The following CCDC148 variants were observed in gnomAD, a reference collection of about 807,000 sequenced individuals.
The protein encoded by CCDC148 is coiled-coil domain containing 148.
Under a neutral mutation model 85.7 loss-of-function variants are expected in CCDC148, and 89 were observed. The ratio of observed to expected loss-of-function variants is 1.04; its 90% CI spans 0.87 to 1.24. CCDC148 has a LOEUF of 1.24. Among genes scored for constraint, CCDC148 ranks in the 50% most tolerant of loss-of-function variants. The probability of loss-of-function intolerance (pLI) is 0.00; values close to 1 mark genes in which losing one functional copy is unlikely to be tolerated. For missense variants in CCDC148, 692 were observed against 671.7 expected (o/e 1.03, Z -0.33); for synonymous variants, 230 against 213.9 (o/e 1.08, Z -0.66).
chr2:158,319,637 T>C (rs1692435098), intron 7 of CCDC148, among the ~76,000 whole-genome samples: 1 of 152,246 alleles, frequency 6.6e-6, no homozygotes, highest in African/African-American at 2.4e-5. Context: ...ATTATGTAAG[T>C]TACTTTGAGT....
At chr2:158,422,590 T>A (rs1215545948) in intron 1 of CCDC148, among the ~76,000 whole-genome samples, 3 of 152,048 alleles carry the variant, frequency 2.0e-5, no homozygotes, top group African/African-American at 7.2e-5. Context: ...ATCTCAAAAT[T>A]ACAAGAGATA....
intron 9 of CCDC148, among the ~76,000 whole-genome samples, chr2:158,298,974 T>C (rs1169313140): frequency 6.6e-6 from 1 of 152,184 alleles, no homozygotes; most frequent in Non-Finnish European, 1.5e-5. Context: ...TTATGTTATA[T>C]TTCTCTAAAC....
chr2:158,341,701 T>C (rs1682704055), intron 3 of CCDC148, among the ~76,000 whole-genome samples: 1 of 152,146 alleles, frequency 6.6e-6, no homozygotes, highest in African/African-American at 2.4e-5. Flanking sequence ...AGCCTACCCC[T>C]TGCTTATGGC....
At chr2:158,338,171 C>G (rs1414217482) in intron 7 of CCDC148, among the ~76,000 whole-genome samples, 2 of 152,104 alleles carry the variant, frequency 1.3e-5, no homozygotes, top group African/African-American at 2.4e-5. Flanking sequence ...GAGAAGATGA[C>G]CGCTGCCAAA....
chr2:158,227,744 G>A (rs1003150100), intron 10 of CCDC148, among the ~76,000 whole-genome samples: 3 of 152,136 alleles, frequency 2.0e-5, no homozygotes, highest in African/African-American at 7.2e-5. Context: ...TGGGAAAACT[G>A]GCTAGCCATA....
intron 1 of CCDC148, among the ~76,000 whole-genome samples, chr2:158,449,573 C>T (rs546496755): frequency 4.1e-4 from 62 of 152,112 alleles, no homozygotes; most frequent in African/African-American, 1.4e-3. Flanking sequence ...CTCAGCCTTT[C>T]GAGTAGCTGG....
intron 3 of CCDC148, among the ~76,000 whole-genome samples, chr2:158,340,950 G>T (rs537264168): frequency 2.0e-5 from 3 of 150,064 alleles, no homozygotes; most frequent in African/African-American, 5.1e-5. Context: ...AGCACTGAAG[G>T]TCAGTAGGCT....
At chr2:158,233,240 G>C (rs1362672801) in intron 10 of CCDC148, among the ~76,000 whole-genome samples, 1 of 151,994 alleles carries the variant, frequency 6.6e-6, no homozygotes, top group African/African-American at 2.4e-5. Context: ...ACATAGCATT[G>C]TTATATGTAA....
At chr2:158,404,493 A>G (rs568314991) in intron 1 of CCDC148, among the ~76,000 whole-genome samples, 10 of 152,274 alleles carry the variant, frequency 6.6e-5, no homozygotes, top group African/African-American at 2.2e-4. Context: ...AATTGTTAGC[A>G]TCACAAACTC....
At chr2:158,333,423 T>C (rs1169619042) in intron 7 of CCDC148, among the ~76,000 whole-genome samples, 1 of 152,060 alleles carries the variant, frequency 6.6e-6, no homozygotes. Context: ...TGCTGAGGAG[T>C]GTTTTACTTC....
rs1246501069 is a variant in CCDC148, at chr2:158,315,506, C to T, written c.765-1612G>A. 2.0e-5 allele frequency among the ~76,000 whole-genome samples: 3 copies of T among 151,788 alleles called. No homozygotes were observed. The East Asian group carries it at 5.8e-4, about 29-fold the overall frequency. On this transcript the variant is annotated intron_variant, in intron 7 of 13. Transcript: ENST00000283233. ...AGGACTTGAAAAAAGTTTGAATTTCCACCTTTATTTGATTATAAATGTGGA... is the reference window on the plus strand; with the variant it reads ...AGGACTTGAAAAAAGTTTGAATTTCTACCTTTATTTGATTATAAATGTGGA...
intron 1 of CCDC148, among the ~76,000 whole-genome samples, chr2:158,387,292 CTATAT>C (rs1685127630): frequency 4.8e-4 from 2 of 4,182 alleles, no homozygotes; most frequent in East Asian, 0.037. Context: ...ATATCATTAT[CTATAT>C]CTATATCTAT....
chr2:158,251,265 A>G (rs1358707068), intron 9 of CCDC148, among the ~76,000 whole-genome samples: 2 of 151,828 alleles, frequency 1.3e-5, no homozygotes, highest in Non-Finnish European at 2.9e-5. Context: ...ACAACTTTCA[A>G]AAATTCTCAA....
At chr2:158,389,325 A>C (rs1221863696) in intron 1 of CCDC148, among the ~76,000 whole-genome samples, 1 of 152,218 alleles carries the variant, frequency 6.6e-6, no homozygotes, top group Non-Finnish European at 1.5e-5. Context: ...GACTCCTTTC[A>C]ACTATTTTAA....
rs1200770779 is a variant in CCDC148 at position 158,345,244 on chromosome 2, C to T, written c.222G>A (p.Trp74Ter). ...TLIKQHKQVW[W>*]QEYQRLNEVR... ...CTTCATTCAGCCTCTGGTATTCCTG[C>T]CACCACACTTGCTTGTGTTGTTTTA... is the stretch of plus-strand genomic sequence containing the variant. The change falls in exon 3 of 14, where the codon TGG (tryptophan) becomes TGA (stop). Residue 74 changes from tryptophan (W) to a stop codon, truncating the protein, a stop_gained. Transcript: ENST00000283233. LOFTEE classifies it high-confidence loss of function. 1 of 1,613,502 alleles carries T rather than the reference C, an allele frequency of 6.2e-7. No individual in the cohort carries two copies. Among genetic ancestry groups the T allele is most frequent in the African/African-American group, 1.3e-5 (1 of 75,014 alleles).
intron 1 of CCDC148, among the ~76,000 whole-genome samples, chr2:158,446,120 G>A (rs1688147211): frequency 6.6e-6 from 1 of 152,114 alleles, no homozygotes; most frequent in African/African-American, 2.4e-5. Flanking sequence ...GGCCAAAATG[G>A]GAGGATCATT....
chr2:158,410,485 G>T (rs368953380), intron 1 of CCDC148, among the ~76,000 whole-genome samples: 54 of 151,926 alleles, frequency 3.6e-4, no homozygotes, highest in African/African-American at 1.2e-3. Context: ...GTAGTAATTT[G>T]GTTTGATCCT....
In CCDC148 at chr2:158,172,094, T is replaced by C. The variant is rs1294714358; in HGVS notation, c.*19A>G. On this transcript the variant is annotated 3_prime_UTR_variant, in exon 14 of 14. Coordinates refer to ENST00000283233, the MANE Select transcript of CCDC148 (RefSeq NM_138803.4). ...TTCAAAGAAAAATGCTCTTTACATATAGAATTTGAGGATGAGCTCTATATT... is the reference window on the plus strand; with the variant it reads ...TTCAAAGAAAAATGCTCTTTACATACAGAATTTGAGGATGAGCTCTATATT... 10 of 1,549,218 alleles carry C rather than the reference T, an allele frequency of 6.5e-6. No individual in the cohort carries two copies. Among genetic ancestry groups the C allele is most frequent in the Non-Finnish European group, 7.8e-6 (9 of 1,148,848 alleles).
intron 1 of CCDC148, among the ~76,000 whole-genome samples, chr2:158,397,697 GAC>G: frequency 6.6e-6 from 1 of 152,076 alleles, no homozygotes; most frequent in Admixed American, 6.6e-5. Flanking sequence ...AAAGACCATA[GAC>G]ACTATGAAGA....
Sources: gnomAD v4.1 joint callset for allele counts (sites outside exome capture counted in the v4.1 genomes callset) on GRCh38, gnomAD v4.1.1 for gene constraint, MANE v1.5 for transcripts, NCBI Gene and HGNC (gene_info 2026-07-23, HGNC 2026-07-21) for gene names.